Variants in SMAP1 observed in about 807,000 individuals in gnomAD.
SMAP1 encodes stromal membrane-associated protein 1.
A neutral mutation model predicts 58.5 loss-of-function variants in SMAP1; 24 were observed. The observed-to-expected ratio is 0.41, with a 90% CI of 0.30 to 0.58. The LOEUF is 0.58. SMAP1 is among the 20% of genes least tolerant of loss of function. SMAP1 has a pLI of 0.29. For missense variants in SMAP1, 563 were observed against 566.3 expected (o/e 0.99, Z 0.06); for synonymous variants, 216 against 196.6 (o/e 1.10, Z -0.82).
rs188867846 is a variant in SMAP1 at position 70,765,736 on chromosome 6, T to A, written c.339-7614T>A. On this transcript the variant is annotated intron_variant, in intron 3 of 10. Coordinates refer to ENST00000370455, the MANE Select transcript of SMAP1 (RefSeq NM_001044305.3). Reference sequence around the variant, plus strand: ...TATTCACTTTTCTTTTTTTATTTTTTATTTATTTTTATTTTATTATTATTT... The same window carrying A: ...TATTCACTTTTCTTTTTTTATTTTTAATTTATTTTTATTTTATTATTATTT... Among the ~76,000 whole-genome samples the A allele has an allele frequency of 4.3e-3, 652 of 152,166 alleles. 3 individuals are homozygous for A. The highest frequency in any genetic ancestry group is 6.8e-3 in the Non-Finnish European group (463 of 67,984).
intron 1 of SMAP1, among the ~76,000 whole-genome samples, chr6:70,689,040 C>T (rs1320957331): frequency 6.6e-6 from 1 of 151,814 alleles, no homozygotes; most frequent in Non-Finnish European, 1.5e-5. Flanking sequence ...TACTCTGTCA[C>T]CCAGGCTGGA....
Position 70,861,621 on chromosome 6 carries a change from G to T in SMAP1, c.*1287G>T. 6.4e-7 allele frequency: 1 copy of T among 1,562,850 alleles called. No homozygotes were observed. Among genetic ancestry groups the T allele is most frequent in the South Asian group, 1.1e-5 (1 of 88,728 alleles). ...AAACTCCAAACATCCTCTTCCATAT[G>T]GATCCACTGGCTGGACAAACTGCAC... On this transcript the variant is annotated 3_prime_UTR_variant, in exon 11 of 11. Coordinates refer to ENST00000370455, the MANE Select transcript of SMAP1 (RefSeq NM_001044305.3).
At chr6:70,771,100 TC>T (rs1767278406) in intron 3 of SMAP1, among the ~76,000 whole-genome samples, 1 of 152,144 alleles carries the variant, frequency 6.6e-6, no homozygotes, top group Non-Finnish European at 1.5e-5. Context: ...GCCTGATCGT[TC>T]CTCTGGAAGT....
intron 7 of SMAP1, among the ~76,000 whole-genome samples, chr6:70,841,187 A>G (rs940019362): frequency 1.3e-5 from 2 of 152,234 alleles, no homozygotes; most frequent in African/African-American, 4.8e-5. Flanking sequence ...CTTTGGGCAT[A>G]AGGCTTGAGA....
At chr6:70,802,221 G>T (rs1048104972) in intron 6 of SMAP1, among the ~76,000 whole-genome samples, 1 of 152,076 alleles carries the variant, frequency 6.6e-6, no homozygotes, top group Non-Finnish European at 1.5e-5. Flanking sequence ...TCCTTGACGA[G>T]GTCCTTTACA....
chr6:70,782,887 C>T (rs919663506), intron 4 of SMAP1, among the ~76,000 whole-genome samples: 4 of 152,122 alleles, frequency 2.6e-5, no homozygotes, highest in East Asian at 1.9e-4. Context: ...GCCTGAGTGA[C>T]GGAGAAGACG....
At chr6:70,857,170 C>T (rs564176629) in intron 9 of SMAP1, 140 bp downstream of exon 9, 18 of 747,656 alleles carry the variant, frequency 2.4e-5, no homozygotes, top group East Asian at 9.2e-5. Flanking sequence ...ACTATGAAGC[C>T]GAAATGAATG....
intron 3 of SMAP1, among the ~76,000 whole-genome samples, chr6:70,763,374 TATAAC>T (rs1008903059): frequency 3.3e-5 from 5 of 152,088 alleles, no homozygotes; most frequent in African/African-American, 1.2e-4. Context: ...ATAACAAAAT[TATAAC>T]ATAAATGCAT....
chr6:70,674,287 A>AT (rs1159298197), intron 1 of SMAP1, among the ~76,000 whole-genome samples: 4 of 151,682 alleles, frequency 2.6e-5, no homozygotes, highest in Non-Finnish European at 4.4e-5. Context: ...TAATTTTTGT[A>AT]TTTTTTGTAG....
At position 70,698,661 on chromosome 6, in the gene SMAP1, A is replaced by G. The variant is rs6933309; in HGVS notation, c.118+30520A>G. On this transcript the variant is annotated intron_variant, in intron 1 of 10. Transcript: ENST00000370455. The stretch of plus-strand genomic sequence containing the variant: ...ACGAATTATTTCTTCTGCTTGATCA[A>G]TTCTGCTGTTGAGAGACTCTGACGC... Among the ~76,000 whole-genome samples, 329 of 152,236 alleles carry G rather than the reference A, an allele frequency of 2.2e-3. 1 individual carries two copies. The highest frequency in any genetic ancestry group is 7.4e-3 in the African/African-American group (308 of 41,554).
intron 4 of SMAP1, among the ~76,000 whole-genome samples, chr6:70,787,306 G>T (rs1399152775): frequency 1.3e-5 from 2 of 152,104 alleles, no homozygotes; most frequent in Admixed American, 6.6e-5. Context: ...ATTCAAGATG[G>T]ATTAAAGACT....
rs1765412062 is a variant in SMAP1 at position 70,731,022 on chromosome 6, A to C, written c.119-1356A>C. 1.3e-5 allele frequency among the ~76,000 whole-genome samples: 2 copies of C among 151,944 alleles called. 1 individual carries two copies. The highest frequency in any genetic ancestry group is 4.2e-4 in the South Asian group (2 of 4,814). On this transcript the variant is annotated intron_variant, in intron 1 of 10. Coordinates refer to ENST00000370455, the MANE Select transcript of SMAP1 (RefSeq NM_001044305.3). ...ACCAGGTTGGCCAGGCTGTTCTCAA[A>C]CTCCTGACCTCAAGTGATCCGCCTG... is the stretch of plus-strand genomic sequence containing the variant.
chr6:70,705,252 A>ATT (rs869145071), intron 1 of SMAP1, among the ~76,000 whole-genome samples: 64 of 138,054 alleles, frequency 4.6e-4, no homozygotes, highest in African/African-American at 1.2e-3. Context: ...GTTCATTATG[A>ATT]TTTTTTTTTT....
intron 1 of SMAP1, among the ~76,000 whole-genome samples, chr6:70,725,091 G>GTTTTT (rs1562116511): frequency 1.2e-5 from 1 of 80,506 alleles, no homozygotes; most frequent in Non-Finnish European, 2.5e-5. Flanking sequence ...AAATTAACCA[G>GTTTTT]TGTTTTTTTT....
chr6:70,703,211 G>T (rs1264151694), intron 1 of SMAP1, among the ~76,000 whole-genome samples: 3 of 151,948 alleles, frequency 2.0e-5, no homozygotes, highest in Admixed American at 2.0e-4. Context: ...CAAGTAGTTG[G>T]GATTACAGAT....
At chr6:70,672,405 C>T (rs893768367) in intron 1 of SMAP1, among the ~76,000 whole-genome samples, 1 of 152,126 alleles carries the variant, frequency 6.6e-6, no homozygotes, top group East Asian at 1.9e-4. Context: ...TCTTTCAATT[C>T]CTGCTTAAAT....
At chr6:70,727,597 G>C (rs1418685400) in intron 1 of SMAP1, among the ~76,000 whole-genome samples, 1 of 152,028 alleles carries the variant, frequency 6.6e-6, no homozygotes, top group African/African-American at 2.4e-5. Flanking sequence ...TTAATACTTC[G>C]GTCAAAATAA....
At chr6:70,768,698 C>G (rs1167721482) in intron 3 of SMAP1, among the ~76,000 whole-genome samples, 3 of 151,932 alleles carry the variant, frequency 2.0e-5, no homozygotes, top group African/African-American at 7.3e-5. Flanking sequence ...TTTCAAAAAA[C>G]CAGCTCCTGG....
chr6:70,761,461 T>C (rs1055295397), intron 3 of SMAP1, among the ~76,000 whole-genome samples: 1 of 152,088 alleles, frequency 6.6e-6, no homozygotes, highest in Non-Finnish European at 1.5e-5. Context: ...AACTAAGTCC[T>C]TATATCTCAA....
Sources: allele counts gnomAD v4.1 joint callset (sites outside exome capture counted in the v4.1 genomes callset), GRCh38; gene constraint gnomAD v4.1.1; transcripts MANE v1.5; gene names NCBI Gene and HGNC (gene_info 2026-07-23, HGNC 2026-07-21).